AGBL4: variants seen among roughly 807,000 people sequenced by gnomAD.
AGBL4 encodes cytosolic carboxypeptidase 6.
Under a neutral mutation model 66.4 loss-of-function variants are expected in AGBL4, and 58 were observed. That is an observed-to-expected ratio of 0.87 (90% CI 0.71 to 1.09). The LOEUF (loss-of-function observed/expected upper bound fraction) is 1.09, where lower values mean the gene tolerates loss of function less well. Ranked by LOEUF, AGBL4 falls within the 50% of genes least tolerant of loss-of-function variation. The probability of loss-of-function intolerance (pLI) is 0.00; values close to 1 mark genes in which losing one functional copy is unlikely to be tolerated. For missense variants in AGBL4, 579 were observed against 631.0 expected (o/e 0.92, Z 0.88); for synonymous variants, 234 against 222.9 (o/e 1.05, Z -0.44).
At chr1:49,391,982 G>T (rs1644860570) in intron 3 of AGBL4, among the ~76,000 whole-genome samples, 1 of 152,098 alleles carries the variant, frequency 6.6e-6, no homozygotes, top group Admixed American at 6.5e-5. Context: ...TTGAGCACAT[G>T]ATGTGTGTAA....
At chr1:49,284,227 T>C (rs1227453059) in intron 3 of AGBL4, among the ~76,000 whole-genome samples, 2 of 152,082 alleles carry the variant, frequency 1.3e-5, no homozygotes, top group African/African-American at 4.8e-5. Flanking sequence ...TCAACATTCT[T>C]AAAGAAAATA....
intron 4 of AGBL4, among the ~76,000 whole-genome samples, chr1:49,046,538 T>G (rs890831292): frequency 2.0e-5 from 3 of 152,312 alleles, no homozygotes; most frequent in East Asian, 3.9e-4. Flanking sequence ...AACAAAAATG[T>G]TGCAGTCATA....
chr1:49,490,163 A>T (rs773422249), intron 3 of AGBL4, among the ~76,000 whole-genome samples: 3 of 151,764 alleles, frequency 2.0e-5, no homozygotes, highest in Non-Finnish European at 2.9e-5. Flanking sequence ...TGTGGTTTTA[A>T]TAGGCAATCA....
chr1:49,680,232 G>C (rs1646664766), intron 3 of AGBL4, among the ~76,000 whole-genome samples: 1 of 151,680 alleles, frequency 6.6e-6, no homozygotes, highest in East Asian at 1.9e-4. Flanking sequence ...TGTATTATTA[G>C]TAGAGATGGG....
chr1:48,552,150 G>A (rs552317291), intron 11 of AGBL4, among the ~76,000 whole-genome samples: 18 of 152,164 alleles, frequency 1.2e-4, no homozygotes, highest in South Asian at 1.0e-3. Flanking sequence ...TGCAACCTCC[G>A]CCTCCTGGGT....
At chr1:48,698,499 G>A (rs917733387) in intron 6 of AGBL4, among the ~76,000 whole-genome samples, 1 of 152,234 alleles carries the variant, frequency 6.6e-6, no homozygotes, top group Non-Finnish European at 1.5e-5. Context: ...AGTGCCTTTT[G>A]TCCTCATCCT....
chr1:49,718,964 T>C (rs1648381810), intron 2 of AGBL4, among the ~76,000 whole-genome samples: 1 of 152,106 alleles, frequency 6.6e-6, no homozygotes, highest in South Asian at 2.1e-4. Flanking sequence ...CTATCTTAAG[T>C]TATCCAGGAG....
chr1:49,762,021 T>C (rs1652362366), intron 2 of AGBL4, among the ~76,000 whole-genome samples: 1 of 152,242 alleles, frequency 6.6e-6, no homozygotes. Context: ...TTATTGTAAA[T>C]ACTGCTACAA....
chr1:49,682,282 T>C (rs1277177616), intron 3 of AGBL4, among the ~76,000 whole-genome samples: 1 of 152,088 alleles, frequency 6.6e-6, no homozygotes, highest in Non-Finnish European at 1.5e-5. Flanking sequence ...GGCACACGCT[T>C]GTAGTCCCAG....
At chr1:48,988,189 G>C (rs969914848) in intron 5 of AGBL4, among the ~76,000 whole-genome samples, 1 of 151,924 alleles carries the variant, frequency 6.6e-6, no homozygotes. Flanking sequence ...TTATCTATGA[G>C]CCACTCGAGA....
chr1:48,528,475 G>T (rs1643891145), downstream of AGBL4, among the ~76,000 whole-genome samples: 1 of 152,064 alleles, frequency 6.6e-6, no homozygotes, highest in South Asian at 2.1e-4. Flanking sequence ...GTTATAATAG[G>T]CATCATTAGG....
intron 4 of AGBL4, among the ~76,000 whole-genome samples, chr1:49,224,351 C>T (rs372258287): frequency 1.3e-5 from 2 of 152,238 alleles, no homozygotes; most frequent in South Asian, 2.1e-4. Flanking sequence ...GACGCGGTGA[C>T]TTATGCCTGT....
intron 1 of AGBL4, among the ~76,000 whole-genome samples, chr1:49,917,562 A>T (rs1434879349): frequency 4.6e-5 from 7 of 152,210 alleles, no homozygotes. Flanking sequence ...TGCCCATTAC[A>T]GGAGCACCAA....
intron 3 of AGBL4, among the ~76,000 whole-genome samples, chr1:49,565,441 CTGG>C (rs1167532017): frequency 2.0e-5 from 3 of 152,112 alleles, no homozygotes; most frequent in Non-Finnish European, 4.4e-5. Context: ...GTGGCTGGTA[CTGG>C]TTGTTCCCTT....
At chr1:49,023,326 T>C (rs1663389462) in intron 5 of AGBL4, among the ~76,000 whole-genome samples, 1 of 152,122 alleles carries the variant, frequency 6.6e-6, no homozygotes, top group Non-Finnish European at 1.5e-5. Flanking sequence ...TCAGTTAGTA[T>C]GGGTATCTTT....
chr1:49,558,126 TACTC>T (rs1288688729), intron 3 of AGBL4, among the ~76,000 whole-genome samples: 12 of 151,962 alleles, frequency 7.9e-5, no homozygotes, highest in African/African-American at 2.9e-4. Flanking sequence ...TCAGCAGTGA[TACTC>T]ACATACTACC....
intron 6 of AGBL4, among the ~76,000 whole-genome samples, chr1:48,692,032 T>G (rs879730931): frequency 1.3e-5 from 2 of 152,198 alleles, no homozygotes; most frequent in Non-Finnish European, 2.9e-5. Context: ...CCACACCATT[T>G]TTTTCTCTTC....
chr1:49,182,456 G>A (rs909255722), intron 4 of AGBL4, among the ~76,000 whole-genome samples: 12 of 152,116 alleles, frequency 7.9e-5, no homozygotes, highest in African/African-American at 2.9e-4. Flanking sequence ...CTGCCACTTG[G>A]TAACAATTTG....
chr1:49,884,158 G>A (rs1647754277), intron 1 of AGBL4, among the ~76,000 whole-genome samples: 1 of 151,900 alleles, frequency 6.6e-6, no homozygotes, highest in African/African-American at 2.4e-5. Flanking sequence ...AAGGCAGCAT[G>A]AATTACTAAG....
Sources: allele counts gnomAD v4.1 joint callset (sites outside exome capture counted in the v4.1 genomes callset), GRCh38; gene constraint gnomAD v4.1.1; transcripts MANE v1.5; gene names NCBI Gene and HGNC (gene_info 2026-07-23, HGNC 2026-07-21).